Variants in MGAT3 observed in about 807,000 individuals in gnomAD.
The protein encoded by MGAT3 is GlcNAc-T III.
In MGAT3, 9 loss-of-function variants were observed where a neutral mutation model predicts 29.8. The ratio of observed to expected loss-of-function variants is 0.30; its 90% confidence interval spans 0.18 to 0.53. The LOEUF (loss-of-function observed/expected upper bound fraction) is 0.53. Among genes scored for constraint, MGAT3 ranks in the 20% least tolerant of loss-of-function variants. MGAT3 has a pLI of 0.96. For synonymous variants in MGAT3, 397 were observed against 348.9 expected (o/e 1.14, Z -1.54); for missense variants, 557 against 769.5 (o/e 0.72, Z 3.27).
chr22:39,487,483 G>A lies in MGAT3; in HGVS notation c.136G>A (p.Val46Met). 1.2e-6 allele frequency: 2 copies of A among 1,613,182 alleles called. No individual in the cohort carries two copies. The highest frequency in any genetic ancestry group is 2.2e-5 in the South Asian group (2 of 91,022). Residue 46 changes from valine (V) to methionine (M), a missense_variant, in exon 2 of 2, where the codon GTG (valine) becomes ATG (methionine). By Grantham distance (21) the Val-to-Met change is conservative. Transcript: ENST00000341184. This position sits in a 1 kb window ranked among gnomAD's most constrained non-coding sequence, Gnocchi z 5.7. ...RELASLSPNL[V>M]SSFFWNNAPV... ...ACTGGCCTCCCTCAGCCCTAACCTGGTGTCCAGCTTTTTCTGGAACAATGC... is the reference window on the plus strand; with the variant it reads ...ACTGGCCTCCCTCAGCCCTAACCTGATGTCCAGCTTTTTCTGGAACAATGC...
At chr22:39,460,725 A>T (rs1928474029) in intron 1 of MGAT3, among the ~76,000 whole-genome samples, 1 of 152,164 alleles carries the variant, frequency 6.6e-6, no homozygotes, top group South Asian at 2.1e-4. Flanking sequence ...TTGAACCTGG[A>T]GGCAGAGGCT....
chr22:39,466,645 G>T (rs555031179), intron 1 of MGAT3, among the ~76,000 whole-genome samples: 1 of 152,298 alleles, frequency 6.6e-6, no homozygotes, highest in Non-Finnish European at 1.5e-5. Flanking sequence ...TCCTTAGGAA[G>T]CCCCTCCTGC....
chr22:39,489,068 G>C lies in MGAT3; in HGVS notation c.*119G>C. The C allele has an allele frequency of 3.5e-6, 4 of 1,147,464 alleles. No homozygotes were observed. The highest frequency in any genetic ancestry group is 1.6e-5 in the South Asian group (1 of 61,762). The allele number at this position is 1,147,464 out of a possible 1,614,324, so 71.1% of individuals were successfully genotyped here. A position where few individuals can be genotyped will look rare whatever the true frequency, so the allele number is the denominator to read the frequency against. On this transcript the variant is annotated 3_prime_UTR_variant, in exon 2 of 2. Coordinates refer to ENST00000341184, the MANE Select transcript of MGAT3 (RefSeq NM_002409.5). ...GGGGACCAGGAGTGGGTGGGGAGTGGGGGTGGGGGTAGGGTTTCCCTACTG... is the reference window on the plus strand; with the variant it reads ...GGGGACCAGGAGTGGGTGGGGAGTGCGGGTGGGGGTAGGGTTTCCCTACTG...
intron 1 of MGAT3, among the ~76,000 whole-genome samples, chr22:39,483,141 C>T (rs758529214): frequency 6.6e-6 from 1 of 152,222 alleles, no homozygotes; most frequent in Non-Finnish European, 1.5e-5. Flanking sequence ...TGCCACATAG[C>T]TTACACCAGT....
chr22:39,466,629 C>A (rs986703745), intron 1 of MGAT3, among the ~76,000 whole-genome samples: 2 of 152,204 alleles, frequency 1.3e-5, no homozygotes, highest in African/African-American at 4.8e-5. Context: ...CTGCCAGAGC[C>A]CCCTCTCCTT....
At chr22:39,481,011 A>C (rs910136122) in intron 1 of MGAT3, among the ~76,000 whole-genome samples, 1 of 152,046 alleles carries the variant, frequency 6.6e-6, no homozygotes, top group South Asian at 2.1e-4. Flanking sequence ...AGAGCAGCCA[A>C]AGTGAGCCAT....
chr22:39,478,699 C>A (rs896410475), intron 1 of MGAT3, among the ~76,000 whole-genome samples: 1 of 152,228 alleles, frequency 6.6e-6, no homozygotes, highest in African/African-American at 2.4e-5. Flanking sequence ...TGGCCAGCTC[C>A]CACCATCACA....
intron 1 of MGAT3, among the ~76,000 whole-genome samples, chr22:39,472,389 G>A (rs563238737): frequency 6.6e-6 from 1 of 152,298 alleles, no homozygotes; most frequent in Admixed American, 6.5e-5. Flanking sequence ...TGCATATAGT[G>A]TTCCTTGGTT....
chr22:39,485,306 G>A (rs1041171739), intron 1 of MGAT3, among the ~76,000 whole-genome samples: 3 of 152,142 alleles, frequency 2.0e-5, no homozygotes, highest in Admixed American at 6.6e-5. Context: ...GTGGCTGCAC[G>A]GCTCATTCAT....
intron 1 of MGAT3, among the ~76,000 whole-genome samples, chr22:39,484,898 G>A (rs1462454878): frequency 6.6e-6 from 1 of 152,094 alleles, no homozygotes; most frequent in Non-Finnish European, 1.5e-5. Context: ...AGCTACTTGG[G>A]AGGCTGAGGC....
At chr22:39,486,465 G>C (rs1355522565) in intron 1 of MGAT3, among the ~76,000 whole-genome samples, 1 of 152,098 alleles carries the variant, frequency 6.6e-6, no homozygotes, top group Non-Finnish European at 1.5e-5. Flanking sequence ...TATGCCTGGA[G>C]ATTAGTAAAG....
At chr22:39,468,302 C>T (rs767810434) in intron 1 of MGAT3, among the ~76,000 whole-genome samples, 6 of 152,248 alleles carry the variant, frequency 3.9e-5, no homozygotes, top group Non-Finnish European at 5.9e-5. Context: ...CAGGTCCCCA[C>T]GGTGGCAGAG....
intron 1 of MGAT3, among the ~76,000 whole-genome samples, chr22:39,476,097 G>T (rs535086904): frequency 6.6e-6 from 1 of 152,146 alleles, no homozygotes; most frequent in South Asian, 2.1e-4. Flanking sequence ...CGGCCACTCC[G>T]TGGGAAAGTC....
In MGAT3 at chr22:39,487,509, C is replaced by T. The variant is rs148816423; in HGVS notation, c.162C>T (p.Ala54=). 5.9e-4 allele frequency: 946 copies of T among 1,613,352 alleles called. 13 individuals are homozygous for T. In the South Asian group the frequency reaches 7.3e-3, roughly 12 times the overall value. ...TGTCCAGCTTTTTCTGGAACAATGC[C>T]CCGGTCACGCCCCAGGCCAGCCCCG... ...NLVSSFFWNN[A]PVTPQASPEP... Residue 54 remains alanine (A), a synonymous_variant, in exon 2 of 2, where the codon GCC becomes GCT. Transcript: ENST00000341184. The surrounding 1 kb of genome is among the most constrained non-coding windows in gnomAD (Gnocchi z 5.7).
chr22:39,462,727 G>T (rs746190361), intron 1 of MGAT3, among the ~76,000 whole-genome samples: 1 of 152,180 alleles, frequency 6.6e-6, no homozygotes, highest in East Asian at 1.9e-4. Context: ...GACTTGTCAC[G>T]TACTTCTCCT....
chr22:39,482,555 C>A (rs1231205441), intron 1 of MGAT3, among the ~76,000 whole-genome samples: 1 of 152,206 alleles, frequency 6.6e-6, no homozygotes, highest in Non-Finnish European at 1.5e-5. Context: ...GTTTAAATAA[C>A]CTACCAGAGT....
intron 1 of MGAT3, among the ~76,000 whole-genome samples, chr22:39,481,074 C>T (rs1929112072): frequency 6.6e-6 from 1 of 152,228 alleles, no homozygotes; most frequent in African/African-American, 2.4e-5. Context: ...CAGTGAAAGC[C>T]ACACTTCGAA....
At chr22:39,465,761 G>A (rs1478973668) in intron 1 of MGAT3, among the ~76,000 whole-genome samples, 3 of 151,834 alleles carry the variant, frequency 2.0e-5, no homozygotes, top group African/African-American at 4.8e-5. Flanking sequence ...GTGAAGCCCC[G>A]TCTCTACTAA....
At chr22:39,485,818 A>C (rs1022159431) in intron 1 of MGAT3, among the ~76,000 whole-genome samples, 27 of 152,226 alleles carry the variant, frequency 1.8e-4, no homozygotes, top group East Asian at 9.6e-4. Context: ...AAAACACACA[A>C]AAAAAATTTA....
Sources: gnomAD v4.1 joint callset for allele counts (sites outside exome capture counted in the v4.1 genomes callset) on GRCh38, gnomAD v4.1.1 for gene constraint, Gnocchi (gnomAD v3.1) non-coding constraint, MANE v1.5 for transcripts, NCBI Gene and HGNC (gene_info 2026-07-23, HGNC 2026-07-21) for gene names.